GPC3: variants seen among roughly 807,000 people sequenced by gnomAD.
The protein encoded by GPC3 is glypican-3.
GPC3 carries 3 observed loss-of-function variants against 34.4 expected under a neutral mutation model. That is an observed-to-expected ratio of 0.09 (90% confidence interval 0.04 to 0.23). The LOEUF (loss-of-function observed/expected upper bound fraction) is 0.23, where lower values mean the gene tolerates loss of function less well. Among genes scored for constraint, GPC3 ranks in the 10% least tolerant of loss-of-function variants. The pLI is 1.00. For synonymous variants in GPC3, 177 were observed against 174.0 expected (o/e 1.02, Z -0.13); for missense variants, 351 against 445.6 (o/e 0.79, Z 1.91).
intron 6 of GPC3, among the ~76,000 whole-genome samples, chrX:133,616,492 G>A (rs1326252419): frequency 9.0e-6 from 1 of 110,991 alleles, no homozygotes; most frequent in Non-Finnish European, 1.9e-5. Flanking sequence ...AATTCCAGCT[G>A]CCTTATTTTT....
intron 2 of GPC3, among the ~76,000 whole-genome samples, chrX:133,808,767 A>G (rs2075649128): frequency 9.0e-6 from 1 of 110,979 alleles, no homozygotes; most frequent in Non-Finnish European, 1.9e-5. Context: ...AACAGAAAAC[A>G]AACAAATACC....
Position 133,754,054 on chromosome X carries a change from G to C in GPC3, c.460C>G (p.Leu154Val). 1 of 1,206,478 alleles carries C rather than the reference G, an allele frequency of 8.3e-7. No individual in the cohort carries two copies. Among genetic ancestry groups the C allele is most frequent in the Non-Finnish European group, 1.1e-6 (1 of 890,915 alleles). ...FVGEFFTDVS[L>V]YILGSDINVD... is the part of the protein sequence containing the mutation. ...TTGATGTCAGAACCCAAGATGTAGAGAGACACATCTGTGAAAAATTCACCC... is the reference window on the plus strand; with the variant it reads ...TTGATGTCAGAACCCAAGATGTAGACAGACACATCTGTGAAAAATTCACCC... Residue 154 changes from leucine to valine, a missense_variant, in exon 3 of 8, where the codon CTC (leucine) becomes GTC (valine). By Grantham distance (32) the Leu-to-Val change is conservative. Transcript: ENST00000370818.
chrX:133,976,261 T>C (rs1436857705), intron 1 of GPC3, among the ~76,000 whole-genome samples: 1 of 111,685 alleles, frequency 9.0e-6, no homozygotes, highest in Non-Finnish European at 1.9e-5. Flanking sequence ...AGTGTACAAA[T>C]ATGTGTGTGT....
chrX:133,555,099 G>A (rs2069475318), intron 7 of GPC3, among the ~76,000 whole-genome samples: 1 of 111,702 alleles, frequency 9.0e-6, no homozygotes, highest in Non-Finnish European at 1.9e-5. Context: ...CACCCAGGTG[G>A]AGTGCAGTGA....
intron 3 of GPC3, among the ~76,000 whole-genome samples, chrX:133,748,758 A>G (rs901078907): frequency 1.8e-5 from 2 of 112,183 alleles, no homozygotes; most frequent in African/African-American, 6.5e-5. Context: ...AATACTTGCC[A>G]TGTTCCTGAA....
At chrX:133,888,238 G>A (rs1234254885) in intron 2 of GPC3, among the ~76,000 whole-genome samples, 1 of 111,060 alleles carries the variant, frequency 9.0e-6, no homozygotes, top group Non-Finnish European at 1.9e-5. Flanking sequence ...CCATGTCCCT[G>A]CAAAGGACAT....
chrX:133,914,816 C>T (rs1784950038), intron 2 of GPC3, among the ~76,000 whole-genome samples: 1 of 103,445 alleles, frequency 9.7e-6, no homozygotes, highest in African/African-American at 3.5e-5. Context: ...ATATATATCA[C>T]TATAATTTTT....
At chrX:133,584,511 C>T (rs1818692181) in intron 7 of GPC3, among the ~76,000 whole-genome samples, 1 of 112,109 alleles carries the variant, frequency 8.9e-6, no homozygotes, top group Admixed American at 9.4e-5. Context: ...CAGATTCTCA[C>T]TCTGTCACCC....
At chrX:133,947,242 G>A (rs2076372861) in intron 2 of GPC3, among the ~76,000 whole-genome samples, 3 of 111,225 alleles carry the variant, frequency 2.7e-5, no homozygotes. Flanking sequence ...AGTGAGAAAG[G>A]TGGGCAGTGA....
intron 5 of GPC3, among the ~76,000 whole-genome samples, chrX:133,674,054 A>G (rs151032412): frequency 0.039 from 4,307 of 110,130 alleles, 217 homozygotes; most frequent in African/African-American, 0.13. Context: ...GGGAGACCTC[A>G]TCTCTACAAA....
intron 3 of GPC3, among the ~76,000 whole-genome samples, chrX:133,702,729 A>G (rs1161393670): frequency 9.0e-6 from 1 of 111,513 alleles, no homozygotes; most frequent in East Asian, 2.8e-4. Flanking sequence ...TTATCAAGCC[A>G]ACTTTCCAAG....
intron 7 of GPC3, among the ~76,000 whole-genome samples, chrX:133,561,328 C>T (rs763627059): frequency 2.7e-5 from 3 of 112,510 alleles, no homozygotes; most frequent in Non-Finnish European, 5.6e-5. Flanking sequence ...ATACATCCTA[C>T]AATCTCTCTT....
intron 2 of GPC3, among the ~76,000 whole-genome samples, chrX:133,906,751 T>C (rs2076169335): frequency 8.9e-6 from 1 of 112,154 alleles, no homozygotes; most frequent in African/African-American, 3.2e-5. Context: ...AAAAGGTGCC[T>C]GGCTCTCTAG....
intron 2 of GPC3, among the ~76,000 whole-genome samples, chrX:133,764,087 G>C (rs2071824689): frequency 8.9e-6 from 1 of 112,111 alleles, no homozygotes; most frequent in African/African-American, 3.2e-5. Context: ...ATACTACACA[G>C]CCATAGAAAA....
chrX:133,759,586 A>T (rs1219752323), intron 2 of GPC3, among the ~76,000 whole-genome samples: 1 of 112,463 alleles, frequency 8.9e-6, no homozygotes, highest in Middle Eastern at 4.2e-3. Flanking sequence ...CTAGATATAG[A>T]CTTTTCACCT....
At chrX:133,629,536 C>T (rs559086599) in intron 6 of GPC3, among the ~76,000 whole-genome samples, 4 of 109,632 alleles carry the variant, frequency 3.6e-5, no homozygotes, top group Non-Finnish European at 7.6e-5. Flanking sequence ...GCTGGGACTA[C>T]GGGCACGCAT....
intron 7 of GPC3, among the ~76,000 whole-genome samples, chrX:133,539,493 C>T (rs1273626988): frequency 8.9e-6 from 1 of 112,348 alleles, no homozygotes; most frequent in African/African-American, 3.2e-5. Context: ...CCTTGTTAAA[C>T]TTTTTGAAAT....
At chrX:133,665,039 C>G (rs138960185) in intron 5 of GPC3, among the ~76,000 whole-genome samples, 259 of 111,804 alleles carry the variant, frequency 2.3e-3, no homozygotes, top group African/African-American at 7.9e-3. Context: ...GTAGCAACTT[C>G]TTTATCCAAT....
intron 7 of GPC3, among the ~76,000 whole-genome samples, chrX:133,540,251 A>G (rs929692432): frequency 8.9e-6 from 1 of 112,910 alleles, no homozygotes; most frequent in Admixed American, 9.3e-5. Flanking sequence ...ACACATGAAC[A>G]CGCATGGTTA....
Sources: gnomAD v4.1 joint callset for allele counts (sites outside exome capture counted in the v4.1 genomes callset) on GRCh38, gnomAD v4.1.1 for gene constraint, MANE v1.5 for transcripts, NCBI Gene and HGNC (gene_info 2026-07-23, HGNC 2026-07-21) for gene names.